The following GRB14 variants were observed in gnomAD, a reference collection of about 807,000 sequenced individuals.
GRB14 encodes growth factor receptor-bound protein 14.
A neutral mutation model predicts 69.1 loss-of-function variants in GRB14; 38 were observed. That is an observed-to-expected ratio of 0.55 (90% CI 0.42 to 0.72). The LOEUF (loss-of-function observed/expected upper bound fraction) is 0.72, where lower values mean the gene tolerates loss of function less well. Among genes scored for constraint, GRB14 ranks in the 30% least tolerant of loss-of-function variants. The pLI is 0.00. For missense variants in GRB14, 666 were observed against 666.1 expected (o/e 1.00, Z 0.00); for synonymous variants, 247 against 241.3 (o/e 1.02, Z -0.22).
intron 2 of GRB14, among the ~76,000 whole-genome samples, chr2:164,596,655 C>T (rs1026661793): frequency 6.6e-6 from 1 of 152,094 alleles, no homozygotes; most frequent in Non-Finnish European, 1.5e-5. Context: ...TTTAGAATGG[C>T]TACAGTAAAA....
In GRB14 at chr2:164,492,552, T is replaced by C. The variant is rs1033905819; in HGVS notation, c.*484A>G. On this transcript the variant is annotated 3_prime_UTR_variant, in exon 14 of 14. Coordinates refer to ENST00000263915, the MANE Select transcript of GRB14 (RefSeq NM_004490.3). The stretch of plus-strand genomic sequence containing the variant: ...GATCATAAACCCGGAAAATATATAA[T>C]TCAAAATAGTTTTTAGTTTCATTAA... Among the ~76,000 whole-genome samples, 20 of 151,998 alleles carry C rather than the reference T, an allele frequency of 1.3e-4. No homozygotes were observed. Among genetic ancestry groups the C allele is most frequent in the African/African-American group, 4.6e-4 (19 of 41,446 alleles).
At chr2:164,520,568 C>A (rs1179458291) in intron 6 of GRB14, among the ~76,000 whole-genome samples, 2 of 152,060 alleles carry the variant, frequency 1.3e-5, no homozygotes, top group African/African-American at 2.4e-5. Flanking sequence ...AGTAAACAGA[C>A]AACTCACAGA....
At chr2:164,517,144 A>G (rs1283673464) in intron 6 of GRB14, among the ~76,000 whole-genome samples, 2 of 152,188 alleles carry the variant, frequency 1.3e-5, no homozygotes, top group African/African-American at 4.8e-5. Flanking sequence ...CCTCACAATC[A>G]CAGCAGAAGG....
chr2:164,561,222 T>C (rs774144891), intron 2 of GRB14, among the ~76,000 whole-genome samples: 3 of 152,164 alleles, frequency 2.0e-5, no homozygotes, highest in Non-Finnish European at 1.5e-5. Context: ...GATCCTGGAA[T>C]CTGCTGTGAT....
At chr2:164,547,290 T>A (rs995173989) in intron 3 of GRB14, among the ~76,000 whole-genome samples, 2 of 152,150 alleles carry the variant, frequency 1.3e-5, no homozygotes, top group Non-Finnish European at 2.9e-5. Context: ...TTAAGGAAAT[T>A]CAGTGACTGC....
intron 6 of GRB14, among the ~76,000 whole-genome samples, chr2:164,516,331 T>C (rs1687484867): frequency 6.6e-6 from 1 of 151,888 alleles, no homozygotes; most frequent in South Asian, 2.1e-4. Flanking sequence ...TCAGGTAACC[T>C]ATAAAAGAAA....
intron 2 of GRB14, among the ~76,000 whole-genome samples, chr2:164,579,753 C>A (rs1293553932): frequency 6.6e-6 from 1 of 152,004 alleles, no homozygotes; most frequent in African/African-American, 2.4e-5. Flanking sequence ...ATTGGAGGAC[C>A]AGCTATACAC....
chr2:164,589,697 C>T (rs1222588418), intron 2 of GRB14, among the ~76,000 whole-genome samples: 1 of 152,130 alleles, frequency 6.6e-6, no homozygotes, highest in Non-Finnish European at 1.5e-5. Context: ...GCCCCATCTC[C>T]ACCAATGGGG....
chr2:164,545,379 T>C (rs1688349009), intron 3 of GRB14, among the ~76,000 whole-genome samples: 1 of 152,186 alleles, frequency 6.6e-6, no homozygotes, highest in Admixed American at 6.5e-5. Context: ...TCCTGAATTA[T>C]CTGGGTGGGC....
chr2:164,613,898 C>T (rs1460430219), intron 2 of GRB14, among the ~76,000 whole-genome samples: 2 of 152,114 alleles, frequency 1.3e-5, no homozygotes, highest in Non-Finnish European at 2.9e-5. Flanking sequence ...GTCCAATTGC[C>T]CCAGTTTGAA....
At chr2:164,524,767 T>C (rs1435212402) in intron 5 of GRB14, among the ~76,000 whole-genome samples, 1 of 152,038 alleles carries the variant, frequency 6.6e-6, no homozygotes, top group African/African-American at 2.4e-5. Flanking sequence ...CATTTTTAAA[T>C]ATGTAAAATC....
intron 6 of GRB14, among the ~76,000 whole-genome samples, chr2:164,511,497 C>T (rs961710847): frequency 2.6e-5 from 4 of 152,162 alleles, no homozygotes; most frequent in African/African-American, 9.7e-5. Context: ...TTGTTAGACA[C>T]ACCCTGAGCC....
intron 2 of GRB14, among the ~76,000 whole-genome samples, chr2:164,559,136 G>T (rs1688756461): frequency 6.6e-6 from 1 of 151,778 alleles, no homozygotes; most frequent in Admixed American, 6.6e-5. Context: ...GACATTTGGG[G>T]GTATTATTTC....
chr2:164,502,212 G>T, intron 9 of GRB14, 43 bp downstream of exon 9: 1 of 913,698 alleles, frequency 1.1e-6, no homozygotes, highest in Non-Finnish European at 1.8e-6. Flanking sequence ...TTAATATAAT[G>T]TGAATGTAAA....
chr2:164,552,228 C>A (rs1688557654), intron 2 of GRB14, among the ~76,000 whole-genome samples: 1 of 152,176 alleles, frequency 6.6e-6, no homozygotes, highest in Admixed American at 6.5e-5. Flanking sequence ...GGACAAATAT[C>A]CAAACTGTAT....
chr2:164,579,688 A>AT (rs576403906), intron 2 of GRB14, among the ~76,000 whole-genome samples: 22 of 150,702 alleles, frequency 1.5e-4, no homozygotes, highest in South Asian at 1.1e-3. Flanking sequence ...CCCGGAATAG[A>AT]TTTTTTTTTT....
chr2:164,564,584 A>G (rs989845117), intron 2 of GRB14, among the ~76,000 whole-genome samples: 2 of 152,188 alleles, frequency 1.3e-5, no homozygotes, highest in Admixed American at 6.5e-5. Flanking sequence ...TTTGAATCTT[A>G]AAAAAATATA....
Position 164,618,992 on chromosome 2 carries a change from AT to A in GRB14, c.324+694del, listed in dbSNP as rs928105135. The stretch of plus-strand genomic sequence containing the variant: ...GAGATGAATTATTCTATGATACACT[AT>A]TTTTTTCCCCTCCAAATGTACAGCC... On this transcript the variant is annotated intron_variant, in intron 2 of 13. Transcript: ENST00000263915. 1.8e-3 allele frequency among the ~76,000 whole-genome samples: 268 copies of A among 152,114 alleles called. 1 individual carries two copies. The highest frequency in any genetic ancestry group is 6.1e-3 in the African/African-American group (251 of 41,472).
chr2:164,526,963 A>C, intron 4 of GRB14, 51 bp downstream of exon 4: 3 of 1,375,800 alleles, frequency 2.2e-6, no homozygotes, highest in Non-Finnish European at 3.0e-6. Flanking sequence ...TTCACATAAA[A>C]TTTAACGGGT....
Sources: allele counts gnomAD v4.1 joint callset (sites outside exome capture counted in the v4.1 genomes callset), GRCh38; gene constraint gnomAD v4.1.1; transcripts MANE v1.5; gene names NCBI Gene and HGNC (gene_info 2026-07-23, HGNC 2026-07-21).